Variants in CREBBP observed in about 807,000 individuals in gnomAD.
The protein encoded by CREBBP is CREB-binding protein.
In CREBBP, 19 loss-of-function variants were observed where a neutral mutation model predicts 265.0. That is an observed-to-expected ratio of 0.07 (90% CI 0.05 to 0.11). The LOEUF is 0.11. CREBBP is among the 10% of genes least tolerant of loss of function. The pLI is 1.00. For missense variants in CREBBP, 2,525 were observed against 3,219.0 expected (o/e 0.78, Z 5.22); for synonymous variants, 1,457 against 1,223.7 (o/e 1.19, Z -3.98).
At chr16:3,859,962 C>T (rs532497208) in intron 1 of CREBBP, among the ~76,000 whole-genome samples, 1 of 152,228 alleles carries the variant, frequency 6.6e-6, no homozygotes, top group South Asian at 2.1e-4. Context: ...TTGTGGGAAC[C>T]CCATTTATAG....
rs1375575166 is a variant in CREBBP, at chr16:3,769,339, T to C, written c.2895A>G (p.Ala965=). 1.2e-6 allele frequency: 2 copies of C among 1,614,216 alleles called. No homozygotes were observed. Among genetic ancestry groups the C allele is most frequent in the Non-Finnish European group, 1.7e-6 (2 of 1,180,026 alleles). The change falls in exon 15 of 31, where the codon GCA becomes GCG. Residue 965 remains alanine, a synonymous_variant. Transcript: ENST00000262367. ...TAGGGACTCTGTTATCAATGCTGGC[T>C]GCTGCCTGGGAAAGCTGTGAAAAAA... The part of the protein sequence containing the change: ...QPPGTPLSQA[A]ASIDNRVPTP...
intron 2 of CREBBP, among the ~76,000 whole-genome samples, chr16:3,822,811 C>A (rs750371046): frequency 6.6e-6 from 1 of 152,156 alleles, no homozygotes; most frequent in Non-Finnish European, 1.5e-5. Flanking sequence ...TAAATACAGT[C>A]GTCCCTCCTG....
intron 2 of CREBBP, among the ~76,000 whole-genome samples, chr16:3,829,098 A>G (rs1168756104): frequency 6.6e-6 from 1 of 152,184 alleles, no homozygotes; most frequent in Non-Finnish European, 1.5e-5. Flanking sequence ...AAAAACCCTT[A>G]GATATTTTAA....
rs746596528 is a variant in CREBBP at position 3,728,314 on chromosome 16, G to A, written c.6733C>T (p.Gln2245Ter). 1 of 1,612,236 alleles carries A rather than the reference G, an allele frequency of 6.2e-7. No homozygotes were observed. The highest frequency in any genetic ancestry group is 8.5e-7 in the Non-Finnish European group (1 of 1,179,640). Residue 2245 changes from glutamine (Q) to a stop codon, truncating the protein, a stop_gained, in exon 31 of 31, where the codon CAG becomes TAG. Coordinates refer to ENST00000262367, the MANE Select transcript of CREBBP (RefSeq NM_004380.3). LOFTEE classifies it high-confidence loss of function. This position sits in a 1 kb window ranked among gnomAD's most constrained non-coding sequence, Gnocchi z 8.7. The part of the protein sequence containing the change: ...QGPGGYPPAM[Q>*]QQQRMQQHLP... ...TGCTGCTGCATGCGCTGCTGCTGCT[G>A]CATGGCCGGTGGGTAGCCTCCGGGT...
chr16:3,736,268 C>T, intron 27 of CREBBP, 65 bp from the exon 28 acceptor site: 1 of 1,525,362 alleles, frequency 6.6e-7, no homozygotes, highest in Non-Finnish European at 9.1e-7. Flanking sequence ...CATGGTGCGA[C>T]AGACCCCCAC....
rs1261761047 is a variant in CREBBP at position 3,839,152 on chromosome 16, C to T, written c.798+11145G>A. Among the ~76,000 whole-genome samples, 4 of 152,212 alleles carry T rather than the reference C, an allele frequency of 2.6e-5. No homozygotes were observed. In the East Asian group the frequency reaches 7.7e-4, roughly 29 times the overall value. ...TTTAAAAGCCAAAAAAACTAAAACC[C>T]AGAGAGATTAAATAAGTTTCCCATA... On this transcript the variant is annotated intron_variant, in intron 2 of 30. Transcript: ENST00000262367.
At chr16:3,829,056 C>CA (rs535835505) in intron 2 of CREBBP, among the ~76,000 whole-genome samples, 1,577 of 131,158 alleles carry the variant, frequency 0.012, 21 homozygotes, top group South Asian at 0.027. Flanking sequence ...TTGAAAAATG[C>CA]AAAAAAAAAA....
chr16:3,853,348 C>T (rs1340945492), intron 1 of CREBBP, among the ~76,000 whole-genome samples: 4 of 152,114 alleles, frequency 2.6e-5, no homozygotes, highest in African/African-American at 4.8e-5. Context: ...CGGTGGCTCA[C>T]GCCTGTAATC....
intron 1 of CREBBP, among the ~76,000 whole-genome samples, chr16:3,869,894 C>T (rs79337017): frequency 6.6e-6 from 1 of 152,174 alleles, no homozygotes; most frequent in African/African-American, 2.4e-5. Flanking sequence ...ATTCTCTTGC[C>T]ATCATTCAAA....
At chr16:3,744,843 C>G in intron 23 of CREBBP, 51 bp downstream of exon 23, 1 of 1,379,448 alleles carries the variant, frequency 7.2e-7, no homozygotes, top group Non-Finnish European at 1.0e-6. Flanking sequence ...ACAATTTCTA[C>G]AAGTTTCTAA....
At chr16:3,764,044 C>T (rs2052787642) in intron 16 of CREBBP, among the ~76,000 whole-genome samples, 1 of 152,108 alleles carries the variant, frequency 6.6e-6, no homozygotes, top group African/African-American at 2.4e-5. Flanking sequence ...AAGCCAACAT[C>T]ACCAAACTCT....
intron 1 of CREBBP, among the ~76,000 whole-genome samples, chr16:3,860,133 G>A (rs2055044038): frequency 6.6e-6 from 1 of 152,132 alleles, no homozygotes; most frequent in Admixed American, 6.5e-5. Context: ...TGTGTGGCTG[G>A]GGGCATCTCC....
chr16:3,755,105 ATACAT>A (rs1160796662), intron 19 of CREBBP, among the ~76,000 whole-genome samples: 2 of 152,254 alleles, frequency 1.3e-5, no homozygotes, highest in Non-Finnish European at 2.9e-5. Context: ...ACTCTTAAAA[ATACAT>A]TACTTTTGTT....
At chr16:3,757,456 G>T in intron 18 of CREBBP, 80 bp from the exon 19 acceptor site, 1 of 1,183,608 alleles carries the variant, frequency 8.4e-7, no homozygotes, top group Non-Finnish European at 1.2e-6. Flanking sequence ...CTACTATAGA[G>T]ACTAGTAAAT....
In CREBBP at chr16:3,778,584, G is replaced by T. The variant is rs8052927; in HGVS notation, c.1941+116C>A. On this transcript the variant is annotated intron_variant, in intron 9 of 30. Coordinates refer to ENST00000262367, the MANE Select transcript of CREBBP (RefSeq NM_004380.3). Reference sequence around the variant, plus strand: ...GTCTCCTTGGTCAGTGGCCTCAAGGGGAGGAGTCTGTCCCAACTACATAGA... The same window carrying T: ...GTCTCCTTGGTCAGTGGCCTCAAGGTGAGGAGTCTGTCCCAACTACATAGA... 0.061 allele frequency: 54,975 copies of T among 905,238 alleles called. 6,195 individuals carry two copies. The highest frequency in any genetic ancestry group is 0.37 in the African/African-American group (22,807 of 61,342). The allele number at this position is 905,238 out of a possible 1,614,324, so 56.1% of individuals were successfully genotyped here.
At chr16:3,828,001 T>C (rs2054271412) in intron 2 of CREBBP, among the ~76,000 whole-genome samples, 1 of 152,198 alleles carries the variant, frequency 6.6e-6, no homozygotes. Context: ...CAAGATCACT[T>C]TAAAAAATAA....
chr16:3,755,008 G>C (rs886192188), intron 19 of CREBBP, among the ~76,000 whole-genome samples: 3 of 152,208 alleles, frequency 2.0e-5, no homozygotes, highest in Non-Finnish European at 4.4e-5. Context: ...CTGTTCTAGA[G>C]AGCATGCCTG....
intron 16 of CREBBP, chr16:3,767,238 G>A (rs1389911279): frequency 1.1e-5 from 2 of 177,588 alleles, no homozygotes; most frequent in Non-Finnish European, 2.4e-5. Context: ...GCGCCACCCT[G>A]CCCCTCACTC....
intron 1 of CREBBP, among the ~76,000 whole-genome samples, chr16:3,854,367 C>G (rs762092302): frequency 6.6e-6 from 1 of 152,196 alleles, no homozygotes; most frequent in African/African-American, 2.4e-5. Flanking sequence ...ACACCACTTG[C>G]ATGCTAAGGA....
Sources: gnomAD v4.1 joint callset for allele counts (sites outside exome capture counted in the v4.1 genomes callset) on GRCh38, gnomAD v4.1.1 for gene constraint, Gnocchi (gnomAD v3.1) non-coding constraint, MANE v1.5 for transcripts, NCBI Gene and HGNC (gene_info 2026-07-23, HGNC 2026-07-21) for gene names.